SPATA6L: variants seen among roughly 807,000 people sequenced by gnomAD.
The protein encoded by SPATA6L is spermatogenesis associated 6 like.
A neutral mutation model predicts 49.2 loss-of-function variants in SPATA6L; 68 were observed. The observed-to-expected ratio is 1.38, with a 90% confidence interval of 1.14 to 1.69. The LOEUF (loss-of-function observed/expected upper bound fraction) is 1.69, where lower values mean the gene tolerates loss of function less well. SPATA6L is among the 40% of genes most tolerant of loss of function. SPATA6L has a pLI of 0.00. For missense variants in SPATA6L, 668 were observed against 464.3 expected (o/e 1.44, Z -4.03); for synonymous variants, 198 against 165.7 (o/e 1.19, Z -1.50).
intron 3 of SPATA6L, among the ~76,000 whole-genome samples, chr9:4,645,331 T>G (rs1000030863): frequency 2.0e-5 from 3 of 152,226 alleles, no homozygotes; most frequent in African/African-American, 7.2e-5. Context: ...TTTCTGTTGC[T>G]TATAACAGAA....
chr9:4,656,209 T>C, intron 2 of SPATA6L, 120 bp from the exon 3 acceptor site: 23 of 724,056 alleles, frequency 3.2e-5, no homozygotes, highest in South Asian at 8.6e-5. Flanking sequence ...GAGGCCGAGG[T>C]GGGTGTATTG....
intron 9 of SPATA6L, among the ~76,000 whole-genome samples, chr9:4,605,968 C>A (rs891736102): frequency 6.6e-5 from 10 of 152,128 alleles, no homozygotes; most frequent in South Asian, 2.1e-4. Context: ...CGTGCGCGAG[C>A]CGAAGCAGGG....
intron 13 of SPATA6L, among the ~76,000 whole-genome samples, chr9:4,591,913 C>G (rs4376542): frequency 0.058 from 8,867 of 152,206 alleles, 831 homozygotes; most frequent in African/African-American, 0.2. Context: ...GGCAAATCAA[C>G]GTCCAGTTTC....
intron 9 of SPATA6L, among the ~76,000 whole-genome samples, chr9:4,615,311 GA>G (rs1827718051): frequency 2.0e-5 from 3 of 152,068 alleles, no homozygotes; most frequent in African/African-American, 7.2e-5. Flanking sequence ...CAAGTTTTCA[GA>G]GATCAGGAGA....
At chr9:4,663,471 C>A (rs1278455624) in intron 1 of SPATA6L, 15 of 551,248 alleles carry the variant, frequency 2.7e-5, no homozygotes, top group East Asian at 2.9e-5. Flanking sequence ...AGCAAAAAAA[C>A]CCAAAAAATC....
At chr9:4,605,482 T>C (rs180978557) in intron 9 of SPATA6L, 42 bp from the exon 10 acceptor site, 169 of 1,406,596 alleles carry the variant, frequency 1.2e-4, no homozygotes, top group Non-Finnish European at 1.6e-4. Context: ...AAGCAGCTAC[T>C]AAAAAGGACA....
At chr9:4,652,837 G>A (rs1304354231) in intron 3 of SPATA6L, among the ~76,000 whole-genome samples, 6 of 121,924 alleles carry the variant, frequency 4.9e-5, no homozygotes, top group South Asian at 2.5e-4. Context: ...GTGAAATTCC[G>A]TCCCAAAAAA....
intron 9 of SPATA6L, among the ~76,000 whole-genome samples, chr9:4,612,471 T>C (rs1437498275): frequency 6.6e-6 from 1 of 152,226 alleles, no homozygotes; most frequent in Non-Finnish European, 1.5e-5. Flanking sequence ...ACTACTCTTA[T>C]TAACTCCTAC....
chr9:4,656,871 A>C (rs567640831), intron 2 of SPATA6L, among the ~76,000 whole-genome samples: 1 of 152,366 alleles, frequency 6.6e-6, no homozygotes, highest in Admixed American at 6.5e-5. Flanking sequence ...TGGTTGTGCT[A>C]AAAAGGAACA....
intron 2 of SPATA6L, among the ~76,000 whole-genome samples, chr9:4,656,357 T>G (rs888210228): frequency 1.3e-5 from 2 of 151,866 alleles, no homozygotes; most frequent in African/African-American, 2.4e-5. Context: ...GAGGGTCACT[T>G]GAGCACAGGA....
At chr9:4,642,125 T>A (rs939673802) in intron 3 of SPATA6L, among the ~76,000 whole-genome samples, 3 of 152,204 alleles carry the variant, frequency 2.0e-5, no homozygotes, top group African/African-American at 7.2e-5. Flanking sequence ...GCTTTTGACA[T>A]TTTCTTTTAC....
chr9:4,639,249 C>A (rs1833521094), intron 3 of SPATA6L, among the ~76,000 whole-genome samples: 1 of 152,080 alleles, frequency 6.6e-6, no homozygotes, highest in South Asian at 2.1e-4. Flanking sequence ...GGAACAAACA[C>A]CTAGATGCAT....
chr9:4,623,306 A>C (rs1262289079), intron 6 of SPATA6L, among the ~76,000 whole-genome samples: 1 of 151,904 alleles, frequency 6.6e-6, no homozygotes, highest in Non-Finnish European at 1.5e-5. Flanking sequence ...ATAAATAATA[A>C]TAATAATAGC....
At chr9:4,663,346 T>C (rs988615163) in intron 1 of SPATA6L, 5 of 1,421,792 alleles carry the variant, frequency 3.5e-6, no homozygotes, top group Non-Finnish European at 4.9e-6. Flanking sequence ...GCCATCCCGC[T>C]TGTCCCTCTT....
rs900792053 is a variant in SPATA6L, at chr9:4,629,429, T to A, written c.352-261A>T. On this transcript the variant is annotated intron_variant, in intron 4 of 11. Coordinates refer to ENST00000682582, the MANE Select transcript of SPATA6L (RefSeq NM_001353486.2). ...CCATGAAGCAGGTTTTATAATAGTA[T>A]CTCCTCAACTAAGACACAGTTTAAG... Among the ~76,000 whole-genome samples the A allele has an allele frequency of 3.9e-4, 59 of 152,130 alleles. 1 individual carries two copies. The highest frequency in any genetic ancestry group is 4.6e-4 in the Non-Finnish European group (31 of 68,002).
chr9:4,666,341 A>G lies in SPATA6L; in HGVS notation c.-91T>C, dbSNP rs2130825779. The G allele has an allele frequency of 7.3e-7, 1 of 1,378,018 alleles. No homozygotes were observed. The highest frequency in any genetic ancestry group is 1.0e-6 in the Non-Finnish European group (1 of 972,526). The allele number at this position is 1,378,018 out of a possible 1,614,324, so 85.4% of individuals were successfully genotyped here. A position where few individuals can be genotyped will look rare whatever the true frequency, so the allele number is the denominator to read the frequency against. On this transcript the variant is annotated 5_prime_UTR_variant, in exon 1 of 12. Transcript: ENST00000682582. ...TTTCTTAGTTTAGCTGAATACCTAG[A>G]GCAAATGTTCCCAGAAGCTTCCCCA...
At chr9:4,619,970 G>A (rs1188570594) in intron 7 of SPATA6L, among the ~76,000 whole-genome samples, 6 of 152,158 alleles carry the variant, frequency 3.9e-5, no homozygotes, top group African/African-American at 1.4e-4. Flanking sequence ...AGTGTGACCA[G>A]GGCTCAGGCA....
intron 9 of SPATA6L, among the ~76,000 whole-genome samples, chr9:4,609,389 A>C (rs1206123105): frequency 1.3e-5 from 2 of 152,198 alleles, no homozygotes; most frequent in Non-Finnish European, 2.9e-5. Context: ...TTGATGCAAA[A>C]TTCCCCAAAA....
chr9:4,606,719 C>G (rs892682722), intron 9 of SPATA6L, among the ~76,000 whole-genome samples: 2 of 141,508 alleles, frequency 1.4e-5, no homozygotes, highest in Non-Finnish European at 3.0e-5. Flanking sequence ...AAACTGGAAA[C>G]TCTAAAAAGC....
Sources: gnomAD v4.1 joint callset for allele counts (sites outside exome capture counted in the v4.1 genomes callset) on GRCh38, gnomAD v4.1.1 for gene constraint, MANE v1.5 for transcripts, NCBI Gene and HGNC (gene_info 2026-07-23, HGNC 2026-07-21) for gene names.